MEMO1: variants seen among roughly 807,000 people sequenced by gnomAD.
MEMO1 encodes mediator of cell motility 1.
MEMO1 carries 6 observed loss-of-function variants against 45.2 expected under a neutral mutation model. The ratio of observed to expected loss-of-function variants is 0.13; its 90% CI spans 0.07 to 0.26. MEMO1 has a LOEUF of 0.26. MEMO1 is among the 10% of genes least tolerant of loss of function. The pLI, the probability that MEMO1 is intolerant of heterozygous loss-of-function variation, is 1.00. For missense variants in MEMO1, 184 were observed against 370.5 expected (o/e 0.50, Z 4.13); for synonymous variants, 78 against 124.3 (o/e 0.63, Z 2.48).
At chr2:31,991,202 C>A (rs1671901081) in intron 2 of MEMO1, among the ~76,000 whole-genome samples, 1 of 152,090 alleles carries the variant, frequency 6.6e-6, no homozygotes, top group Admixed American at 6.6e-5. Flanking sequence ...TAAAAGCAAC[C>A]ACCTATAAGG....
At chr2:31,983,390 T>C (rs1670889511) in intron 2 of MEMO1, among the ~76,000 whole-genome samples, 1 of 152,260 alleles carries the variant, frequency 6.6e-6, no homozygotes, top group South Asian at 2.1e-4. Flanking sequence ...GAAGCAGTGA[T>C]ACCCAGTAGC....
intron 2 of MEMO1, among the ~76,000 whole-genome samples, chr2:31,974,418 T>C (rs1669762923): frequency 6.6e-6 from 1 of 152,198 alleles, no homozygotes; most frequent in Non-Finnish European, 1.5e-5. Flanking sequence ...GTTATATACT[T>C]TTCCAATGAC....
chr2:31,943,260 T>C, intron 3 of MEMO1, 42 bp downstream of exon 3: 1 of 1,483,308 alleles, frequency 6.7e-7, no homozygotes, highest in African/African-American at 1.4e-5. Context: ...GGGAGACTCC[T>C]TCTCAAAAAA....
chr2:31,951,607 A>T (rs989108263), intron 2 of MEMO1, among the ~76,000 whole-genome samples: 3 of 151,084 alleles, frequency 2.0e-5, no homozygotes, highest in African/African-American at 7.3e-5. Flanking sequence ...ATCTCGGCTC[A>T]CTGCAACCTC....
intron 3 of MEMO1, among the ~76,000 whole-genome samples, chr2:31,938,812 G>A (rs1268112893): frequency 6.8e-6 from 1 of 147,048 alleles, no homozygotes; most frequent in East Asian, 2.0e-4. Flanking sequence ...TTGAGACAGG[G>A]TCTCACTCCC....
At chr2:31,962,215 C>T (rs1030721873) in intron 2 of MEMO1, among the ~76,000 whole-genome samples, 2 of 152,020 alleles carry the variant, frequency 1.3e-5, no homozygotes, top group African/African-American at 2.4e-5. Flanking sequence ...TGGTGAAACC[C>T]CATCTCTACT....
At chr2:31,874,886 A>C (rs1231276750) in intron 8 of MEMO1, among the ~76,000 whole-genome samples, 2 of 151,458 alleles carry the variant, frequency 1.3e-5, no homozygotes, top group African/African-American at 4.8e-5. Context: ...TTAAGACAAT[A>C]CAATATTTAA....
intron 4 of MEMO1, among the ~76,000 whole-genome samples, chr2:31,930,062 C>A (rs75069632): frequency 6.6e-6 from 1 of 152,200 alleles, no homozygotes; most frequent in Non-Finnish European, 1.5e-5. Flanking sequence ...GAATTTGAAA[C>A]CAGCCTGGCC....
chr2:31,907,049 G>A (rs1679860860), intron 6 of MEMO1, among the ~76,000 whole-genome samples: 1 of 152,118 alleles, frequency 6.6e-6, no homozygotes, highest in African/African-American at 2.4e-5. Flanking sequence ...TTAAAAATAA[G>A]CTCTGGGCTT....
At position 31,868,550 on chromosome 2, in the gene MEMO1, T is replaced by C. The variant is rs1673200109; in HGVS notation, c.763-58A>G. On this transcript the variant is annotated intron_variant, in intron 9 of 9. Transcript: ENST00000404530. ...ATCACATAAAAAACTGGGCACTCAATGTGTTTGCGGTTTGACTTTGTCCAC... is the reference window on the plus strand; with the variant it reads ...ATCACATAAAAAACTGGGCACTCAACGTGTTTGCGGTTTGACTTTGTCCAC... 2.7e-6 allele frequency: 4 copies of C among 1,486,042 alleles called. No homozygotes were observed. The Admixed American group carries it at 8.9e-5, about 33-fold the overall frequency. The allele number at this position is 1,486,042 out of a possible 1,614,324, so 92.1% of individuals were successfully genotyped here. A position where few individuals can be genotyped will look rare whatever the true frequency, so the allele number is the denominator to read the frequency against.
At chr2:31,900,773 T>A (rs1678666573) in intron 6 of MEMO1, among the ~76,000 whole-genome samples, 1 of 151,982 alleles carries the variant, frequency 6.6e-6, no homozygotes, top group African/African-American at 2.4e-5. Flanking sequence ...TCTATCAGAA[T>A]GGCTATAATC....
intron 6 of MEMO1, among the ~76,000 whole-genome samples, chr2:31,894,847 C>A (rs1677517243): frequency 6.6e-6 from 1 of 152,158 alleles, no homozygotes; most frequent in Non-Finnish European, 1.5e-5. Flanking sequence ...GCTGCCCAGG[C>A]TAGCTTCAAA....
chr2:31,887,939 CATAA>C (rs1422629515), intron 7 of MEMO1, among the ~76,000 whole-genome samples: 2 of 151,994 alleles, frequency 1.3e-5, no homozygotes, highest in Non-Finnish European at 2.9e-5. Flanking sequence ...TTATCAATTT[CATAA>C]ATATTTAGGG....
chr2:31,952,130 A>G (rs1203100168), intron 2 of MEMO1, among the ~76,000 whole-genome samples: 1 of 152,238 alleles, frequency 6.6e-6, no homozygotes, highest in Non-Finnish European at 1.5e-5. Flanking sequence ...ACAAATTTTA[A>G]AAGTTAAAAT....
chr2:31,917,419 G>A (rs562705943), intron 6 of MEMO1, among the ~76,000 whole-genome samples: 2 of 152,206 alleles, frequency 1.3e-5, no homozygotes, highest in African/African-American at 4.8e-5. Context: ...CCCTGTCCTC[G>A]TTCGGCTCAC....
At chr2:32,010,692 G>T (rs1674802351) in intron 1 of MEMO1, 1 of 141,190 alleles carries the variant, frequency 7.1e-6, no homozygotes, top group African/African-American at 2.6e-5. Flanking sequence ...CACCCCCCGC[G>T]GGGCTCCCCG....
At chr2:31,930,539 A>T (rs1162768610) in intron 4 of MEMO1, among the ~76,000 whole-genome samples, 1 of 152,130 alleles carries the variant, frequency 6.6e-6, no homozygotes, top group Non-Finnish European at 1.5e-5. Flanking sequence ...TTATCAATAA[A>T]ACTTCTGCCA....
At position 31,909,140 on chromosome 2, in the gene MEMO1, C is replaced by T. The variant is rs186033261; in HGVS notation, c.437+8786G>A. On this transcript the variant is annotated intron_variant, in intron 6 of 9. Coordinates refer to ENST00000404530, the MANE Select transcript of MEMO1 (RefSeq NM_001301833.4). The stretch of plus-strand genomic sequence containing the variant: ...ATGATAAAGACCACATATGACAAAC[C>T]CACAGCTAATATCACAATGAACAGG... Among the ~76,000 whole-genome samples, 236 of 152,198 alleles carry T rather than the reference C, an allele frequency of 1.6e-3. 1 individual carries two copies. The highest frequency in any genetic ancestry group is 5.3e-3 in the African/African-American group (219 of 41,516).
intron 8 of MEMO1, among the ~76,000 whole-genome samples, chr2:31,876,598 A>C (rs572876665): frequency 6.6e-6 from 1 of 152,292 alleles, no homozygotes; most frequent in Admixed American, 6.5e-5. Context: ...GAAAATCCAA[A>C]TGTCTACCTA....
Sources: allele counts gnomAD v4.1 joint callset (sites outside exome capture counted in the v4.1 genomes callset), GRCh38; gene constraint gnomAD v4.1.1; transcripts MANE v1.5; gene names NCBI Gene and HGNC (gene_info 2026-07-23, HGNC 2026-07-21).